Variants in EMG1 observed in about 807,000 individuals in gnomAD.
EMG1 encodes the protein EMG1 N1-specific pseudouridine methyltransferase.
Under a neutral mutation model 26.9 loss-of-function variants are expected in EMG1, and 24 were observed. That is an observed-to-expected ratio of 0.89 (90% CI 0.65 to 1.26). The LOEUF (loss-of-function observed/expected upper bound fraction) is 1.26, where lower values mean the gene tolerates loss of function less well. Ranked by LOEUF, EMG1 falls within the 50% of genes most tolerant of loss-of-function variation. EMG1 has a pLI of 0.00. For missense variants in EMG1, 299 were observed against 307.6 expected, an observed-to-expected ratio of 0.97 and a Z score of 0.21; for synonymous variants, 140 against 112.6, an observed-to-expected ratio of 1.24 and a Z score of -1.54.
chr12:6,996,772 C>G (rs1381034112), intron 7 of EMG1, among the ~76,000 whole-genome samples: 1 of 152,054 alleles, frequency 6.6e-6, no homozygotes, highest in East Asian at 1.9e-4. Flanking sequence ...ATGGAATAGC[C>G]AATGTTGTAG....
intron 5 of EMG1, 39 bp downstream of exon 5, chr12:6,975,417 T>C: frequency 1.3e-6 from 2 of 1,548,946 alleles, no homozygotes; most frequent in Non-Finnish European, 1.7e-6. Context: ...TTGGTAGAGC[T>C]GAACTTAGTA....
Position 6,978,954 on chromosome 12 carries a change from A to G in EMG1, c.*3145A>G. ...TTCTCTACTGTTTGCCTTCGTTGGC[A>G]AAGTGTTTGGAATGAGCATTTGGAA... is the stretch of plus-strand genomic sequence containing the variant. On this transcript the variant is annotated 3_prime_UTR_variant, in exon 6 of 6. Transcript: ENST00000599672. 1 of 452,434 alleles carries G rather than the reference A, an allele frequency of 2.2e-6. No individual in the cohort carries two copies. The highest frequency in any genetic ancestry group is 3.9e-6 in the Non-Finnish European group (1 of 254,102). The allele number at this position is 452,434 out of a possible 1,614,324, so 28.0% of individuals were successfully genotyped here.
At chr12:6,975,525 G>C (rs868931270) in intron 5 of EMG1, 147 bp downstream of exon 5, 2 of 1,021,560 alleles carry the variant, frequency 2.0e-6, no homozygotes, top group Admixed American at 4.4e-5. Context: ...TCCTTTGAGG[G>C]CTGCTGCCAT....
intron 1 of EMG1, among the ~76,000 whole-genome samples, chr12:6,972,563 A>G (rs1555152436): frequency 6.6e-6 from 1 of 152,168 alleles, no homozygotes; most frequent in East Asian, 1.9e-4. Context: ...TGGGACTCCA[A>G]ATTGCAACTT....
At position 6,987,093 on chromosome 12, in the gene EMG1, A is replaced by G. The variant is rs1946536154; in HGVS notation, c.*155-689A>G. On this transcript the variant is annotated intron_variant and NMD_transcript_variant, in intron 6 of 7. Coordinates refer to the EMG1 transcript ENST00000261406. This position sits in a 1 kb window ranked among gnomAD's most constrained non-coding sequence, Gnocchi z 4.1. ...ACGCCATTGCACTCCAGCTTGGGCA[A>G]CGAGCAAGATTCTGTCTCAAAAAAA... 6.6e-6 allele frequency among the ~76,000 whole-genome samples: 1 copy of G among 151,388 alleles called. No homozygotes were observed.
At chr12:6,992,937 A>G (rs782175777), downstream of EMG1, among the ~76,000 whole-genome samples, 1 of 152,344 alleles carries the variant, frequency 6.6e-6, no homozygotes, top group East Asian at 1.9e-4. Flanking sequence ...AATATAATGT[A>G]AATGCAATGC....
chr12:6,981,817 G>A, downstream of EMG1: 2 of 1,612,632 alleles, frequency 1.2e-6, no homozygotes, highest in Non-Finnish European at 1.7e-6. Flanking sequence ...TCACCAATCA[G>A]CTTCAAAGTC....
intron 7 of EMG1, among the ~76,000 whole-genome samples, chr12:6,993,294 C>T (rs1207805007): frequency 1.3e-5 from 2 of 151,954 alleles, no homozygotes; most frequent in Non-Finnish European, 2.9e-5. Flanking sequence ...ATTAGCTGGG[C>T]GTGGTGGTGC....
In EMG1 at chr12:6,977,155, C is replaced by T. The variant is rs1405137368; in HGVS notation, c.*1346C>T. ...TTACCAGGGAAATGGATTATTCCAT[C>T]TTCTTTAACTTCTCTTTCCTTGGCA... On this transcript the variant is annotated 3_prime_UTR_variant, in exon 6 of 6. Transcript: ENST00000599672. This position sits in a 1 kb window ranked among gnomAD's most constrained non-coding sequence, Gnocchi z 4.5. 1.2e-6 allele frequency: 2 copies of T among 1,602,136 alleles called. No individual in the cohort carries two copies. The highest frequency in any genetic ancestry group is 8.6e-7 in the Non-Finnish European group (1 of 1,169,170).
Position 6,979,582 on chromosome 12 carries a change from GGAAAGGAACGAGT to G in EMG1, c.*3777_*3789del. 1 of 1,601,266 alleles carries G rather than the reference GGAAAGGAACGAGT, an allele frequency of 6.2e-7. No homozygotes were observed. Among genetic ancestry groups the G allele is most frequent in the Non-Finnish European group, 8.6e-7 (1 of 1,168,234 alleles). ...GGCGCTTGAGAGCAGGAATGATGCT[GGAAAGGAACGAGT>G]GAAGTTCCTGGTCACAGAGAGCAGA... On this transcript the variant is annotated 3_prime_UTR_variant, in exon 6 of 6. Coordinates refer to ENST00000599672, the MANE Select transcript of EMG1 (RefSeq NM_006331.8).
Position 6,970,975 on chromosome 12 carries a change from C to G in EMG1, c.52C>G (p.Gln18Glu), listed in dbSNP as rs782233712. The change falls in exon 1 of 6, where the codon CAG becomes GAG. Residue 18 changes from glutamine (Q) to glutamate (E), a missense_variant. By Grantham distance (29) the Gln-to-Glu change is conservative. Transcript: ENST00000599672. Reference protein sequence around the residue: ...FKPRERSGGEQAQDWDALPPK... With the variant: ...FKPRERSGGEEAQDWDALPPK... Reference sequence around the variant, plus strand: ...GCCTCGTGAACGAAGCGGTGGGGAGCAGGCACAGGACTGGGATGCTCTGCC... The same window carrying G: ...GCCTCGTGAACGAAGCGGTGGGGAGGAGGCACAGGACTGGGATGCTCTGCC... 1.2e-6 allele frequency: 2 copies of G among 1,612,884 alleles called. No individual in the cohort carries two copies. The highest frequency in any genetic ancestry group is 1.7e-6 in the Non-Finnish European group (2 of 1,179,374).
At chr12:6,995,804 A>G (rs1478733635) in intron 7 of EMG1, among the ~76,000 whole-genome samples, 1 of 152,102 alleles carries the variant, frequency 6.6e-6, no homozygotes, top group African/African-American at 2.4e-5. Context: ...TCTACCTTCA[A>G]AATAAATCCA....
downstream of EMG1, chr12:6,981,415 T>C: frequency 1.4e-6 from 1 of 736,610 alleles, no homozygotes; most frequent in East Asian, 2.6e-5. Flanking sequence ...GTGCAAGAGC[T>C]GGATCCTGGG....
rs1333256051 is a variant in EMG1 at position 6,987,554 on chromosome 12, A to G, written c.*155-228A>G. ...TAGAAAGTATATAGACTAAATGTCA[A>G]TGCCTTCAATCTTTTGCTTTATTTT... On this transcript the variant is annotated intron_variant and NMD_transcript_variant, in intron 6 of 7. Coordinates refer to the EMG1 transcript ENST00000261406. The surrounding 1 kb of genome is among the most constrained non-coding windows in gnomAD (Gnocchi z 4.1). Among the ~76,000 whole-genome samples, 1 of 152,238 alleles carries G rather than the reference A, an allele frequency of 6.6e-6. No homozygotes were observed. The highest frequency in any genetic ancestry group is 1.5e-5 in the Non-Finnish European group (1 of 68,048).
Position 6,975,221 on chromosome 12 carries a change from T to C in EMG1, c.472-8T>C. 3 of 1,614,026 alleles carry C rather than the reference T, an allele frequency of 1.9e-6. No individual in the cohort carries two copies. Among genetic ancestry groups the C allele is most frequent in the Non-Finnish European group, 2.5e-6 (3 of 1,179,884 alleles). On this transcript the variant is annotated splice_polypyrimidine_tract_variant and splice_region_variant and intron_variant, in intron 4 of 5. Coordinates refer to ENST00000599672, the MANE Select transcript of EMG1 (RefSeq NM_006331.8). ...CTGGGGCTGACTTTTCTCTCTTTTT[T>C]ACTTTAGGTAATTAAGAATCCAGTA...
chr12:6,981,098 C>G, downstream of EMG1: 1 of 1,614,026 alleles, frequency 6.2e-7, no homozygotes, highest in Non-Finnish European at 8.5e-7. Flanking sequence ...AAGAAGGCCC[C>G]ATAGAAGTAG....
downstream of EMG1, among the ~76,000 whole-genome samples, chr12:6,992,881 A>C (rs12580543): frequency 0.12 from 17,924 of 152,240 alleles, 1,746 homozygotes; most frequent in African/African-American, 0.27. Flanking sequence ...ACCTATGCAC[A>C]TCTTCACATA....
intron 6 of EMG1, among the ~76,000 whole-genome samples, chr12:6,986,795 CAAAAAAAAAA>C (rs1157395768): frequency 4.3e-3 from 145 of 33,920 alleles, no homozygotes; most frequent in Non-Finnish European, 7.4e-3. Flanking sequence ...GACTCTGTCT[CAAAAAAAAAA>C]AAAAAAAAAA....
chr12:6,977,824 T>C lies in EMG1; in HGVS notation c.*2015T>C, dbSNP rs1375648719. On this transcript the variant is annotated 3_prime_UTR_variant, in exon 6 of 6. Coordinates refer to ENST00000599672, the MANE Select transcript of EMG1 (RefSeq NM_006331.8). The surrounding 1 kb of genome is among the most constrained non-coding windows in gnomAD (Gnocchi z 4.5). ...GCCACCTGCCTCTGGGTCCTCACCC[T>C]GAGGATTGGATTGGAGTGCTGGTGG... 1.3e-6 allele frequency: 2 copies of C among 1,542,586 alleles called. No individual in the cohort carries two copies. Among genetic ancestry groups the C allele is most frequent in the Non-Finnish European group, 1.8e-6 (2 of 1,122,628 alleles).
Sources: gnomAD v4.1 joint callset for allele counts (sites outside exome capture counted in the v4.1 genomes callset) on GRCh38, gnomAD v4.1.1 for gene constraint, Gnocchi (gnomAD v3.1) non-coding constraint, MANE v1.5 for transcripts, NCBI Gene and HGNC (gene_info 2026-07-23, HGNC 2026-07-21) for gene names.